ARMC7: variants seen among roughly 807,000 people sequenced by gnomAD.
ARMC7 encodes the protein armadillo repeat containing 7.
In ARMC7, 9 loss-of-function variants were observed where a neutral mutation model predicts 14.8. The ratio of observed to expected loss-of-function variants is 0.61; its 90% CI spans 0.37 to 1.06. ARMC7 has a LOEUF of 1.06. Among genes scored for constraint, ARMC7 ranks in the 50% least tolerant of loss-of-function variants. The probability of loss-of-function intolerance (pLI) is 0.01; values close to 1 mark genes in which losing one functional copy is unlikely to be tolerated. For missense variants in ARMC7, 262 were observed against 267.1 expected, an observed-to-expected ratio of 0.98 and a Z score of 0.13; for synonymous variants, 125 against 123.4, an observed-to-expected ratio of 1.01 and a Z score of -0.09.
intron 2 of ARMC7, 59 bp from the exon 3 acceptor site, chr17:75,128,618 G>T: frequency 6.4e-7 from 1 of 1,557,862 alleles, no homozygotes; most frequent in South Asian, 1.2e-5. Flanking sequence ...CTCACGGGCA[G>T]GGGAGGTGGG....
In ARMC7 at chr17:75,128,962, C is replaced by T; in HGVS notation, c.521C>T (p.Ala174Val). ...GACTTCTGCTCCCCCCGCCAGGTGG[C>T]CGAGGCCCGCAGCCGGCAGGCGCAC... is the stretch of plus-strand genomic sequence containing the variant. ...LEDFCSPRQV[A>V]EARSRQAHSA... is the part of the protein sequence containing the mutation. Residue 174 changes from alanine (A) to valine (V), a missense_variant, in exon 3 of 3, where the codon GCC becomes GTC. Physicochemically the swap from Ala to Val is moderately conservative, Grantham distance 64. Coordinates refer to ENST00000245543, the MANE Select transcript of ARMC7 (RefSeq NM_024585.4). 1 of 1,604,310 alleles carries T rather than the reference C, an allele frequency of 6.2e-7. No individual in the cohort carries two copies.
At chr17:75,114,215 C>T (rs935886594) in intron 2 of ARMC7, 3 of 401,122 alleles carry the variant, frequency 7.5e-6, no homozygotes, top group Non-Finnish European at 1.3e-5. Context: ...AAGCATGTGG[C>T]TAAATCTCCA....
chr17:75,120,406 C>T (rs1161817144), intron 2 of ARMC7, among the ~76,000 whole-genome samples: 3 of 152,120 alleles, frequency 2.0e-5, no homozygotes, highest in Non-Finnish European at 4.4e-5. Context: ...TCCTGTGTGT[C>T]CTGATGTCTG....
At chr17:75,118,965 C>G (rs1298274889) in intron 2 of ARMC7, among the ~76,000 whole-genome samples, 1 of 152,248 alleles carries the variant, frequency 6.6e-6, no homozygotes, top group Non-Finnish European at 1.5e-5. Flanking sequence ...GATCCAAATT[C>G]TGTGCCCTGG....
intron 2 of ARMC7, 142 bp downstream of exon 2, chr17:75,110,748 A>T: frequency 8.7e-7 from 1 of 1,153,820 alleles, no homozygotes; most frequent in Non-Finnish European, 1.2e-6. Context: ...GGATCACCTG[A>T]GGTCATGAGT....
intron 2 of ARMC7, chr17:75,114,159 G>C (rs890894495): frequency 2.5e-6 from 1 of 401,318 alleles, no homozygotes; most frequent in Non-Finnish European, 4.4e-6. Flanking sequence ...TCGTGCCTCT[G>C]CCCCCACAGC....
chr17:75,110,673 G>C, intron 2 of ARMC7, 67 bp downstream of exon 2: 1 of 1,588,550 alleles, frequency 6.3e-7, no homozygotes, highest in East Asian at 2.2e-5. Context: ...TTAGAAGTGA[G>C]TCCTTGGGGC....
At chr17:75,128,625 T>G in intron 2 of ARMC7, 52 bp from the exon 3 acceptor site, 1 of 1,559,982 alleles carries the variant, frequency 6.4e-7, no homozygotes, top group Middle Eastern at 1.8e-4. Context: ...GCAGGGGAGG[T>G]GGGAGGAGGC....
intron 2 of ARMC7, among the ~76,000 whole-genome samples, chr17:75,122,926 G>T (rs967364003): frequency 6.6e-6 from 1 of 152,034 alleles, no homozygotes; most frequent in Admixed American, 6.6e-5. Context: ...CTTAGAGGAG[G>T]TGGCGTCTTA....
At chr17:75,123,205 A>AT (rs555791092) in intron 2 of ARMC7, among the ~76,000 whole-genome samples, 1,332 of 125,552 alleles carry the variant, frequency 0.011, 23 homozygotes, top group African/African-American at 0.031. Flanking sequence ...GGCCCAGCTA[A>AT]TTTTTTTTTT....
In ARMC7 at chr17:75,110,277, G is replaced by A; in HGVS notation, c.-12G>A. The A allele has an allele frequency of 6.2e-7, 1 of 1,603,900 alleles. No homozygotes were observed. The highest frequency in any genetic ancestry group is 8.5e-7 in the Non-Finnish European group (1 of 1,177,326). On this transcript the variant is annotated 5_prime_UTR_variant, in exon 1 of 3. Coordinates refer to ENST00000245543, the MANE Select transcript of ARMC7 (RefSeq NM_024585.4). ...TCCCGCCCGTCCCTGGGGGTCCTCC[G>A]TCACCGCGGCCATGGCCCAGAAGCC...
At position 75,129,169 on chromosome 17, in the gene ARMC7, C is replaced by A; in HGVS notation, c.*131C>A. On this transcript the variant is annotated 3_prime_UTR_variant, in exon 3 of 3. Transcript: ENST00000245543. The stretch of plus-strand genomic sequence containing the variant: ...CCATCTGAAAGGCGGGTTCTTTCAG[C>A]AGGACAGGCATTTACACTGATGAAA... 2 of 1,285,090 alleles carry A rather than the reference C, an allele frequency of 1.6e-6. No homozygotes were observed. The highest frequency in any genetic ancestry group is 1.5e-5 in the African/African-American group (1 of 67,572). 79.6% of individuals were successfully genotyped at this position (1,285,090 alleles called of 1,614,324 possible). A position where few individuals can be genotyped will look rare whatever the true frequency, so the allele number is the denominator to read the frequency against.
At chr17:75,110,980 C>T (rs1408596908) in intron 2 of ARMC7, among the ~76,000 whole-genome samples, 1 of 144,026 alleles carries the variant, frequency 6.9e-6, no homozygotes, top group Non-Finnish European at 1.5e-5. Flanking sequence ...AAAAAAAAGC[C>T]GCACACAGTG....
intron 2 of ARMC7, among the ~76,000 whole-genome samples, chr17:75,116,458 T>G (rs1374459395): frequency 6.6e-6 from 1 of 152,130 alleles, no homozygotes; most frequent in Non-Finnish European, 1.5e-5. Flanking sequence ...AGAAACCCCA[T>G]CTCTACTAAA....
At chr17:75,112,530 C>G (rs2073932507) in intron 2 of ARMC7, among the ~76,000 whole-genome samples, 1 of 151,040 alleles carries the variant, frequency 6.6e-6, no homozygotes, top group South Asian at 2.1e-4. Flanking sequence ...GGAAGGAAGT[C>G]ACTACATAAA....
At chr17:75,111,822 T>C (rs1242895572) in intron 2 of ARMC7, among the ~76,000 whole-genome samples, 2 of 151,376 alleles carry the variant, frequency 1.3e-5, no homozygotes, top group Admixed American at 1.3e-4. Flanking sequence ...GCTTCTGTAG[T>C]TGTTATGATC....
chr17:75,114,237 T>C (rs1033739038), intron 2 of ARMC7: 4 of 401,178 alleles, frequency 1.0e-5, no homozygotes, highest in African/African-American at 2.0e-5. Context: ...CAGGGGGCGA[T>C]AGAGCTCCTC....
intron 2 of ARMC7, chr17:75,114,810 T>A: frequency 2.5e-6 from 1 of 398,138 alleles, no homozygotes; most frequent in Non-Finnish European, 4.4e-6. Flanking sequence ...AATTTCAACA[T>A]GCAAATGAAA....
chr17:75,127,739 CG>C (rs2074062434), intron 2 of ARMC7, among the ~76,000 whole-genome samples: 1 of 152,192 alleles, frequency 6.6e-6, no homozygotes, highest in Non-Finnish European at 1.5e-5. Flanking sequence ...AGACTACAGG[CG>C]TGTACCATCA....
Sources: gnomAD v4.1 joint callset for allele counts (sites outside exome capture counted in the v4.1 genomes callset) on GRCh38, gnomAD v4.1.1 for gene constraint, MANE v1.5 for transcripts, NCBI Gene and HGNC (gene_info 2026-07-23, HGNC 2026-07-21) for gene names.